The following MTUS2 variants were observed in gnomAD, a reference collection of about 807,000 sequenced individuals.
MTUS2 encodes microtubule-associated tumor suppressor candidate 2.
A neutral mutation model predicts 114.1 loss-of-function variants in MTUS2; 40 were observed. The observed-to-expected ratio is 0.35, with a 90% CI of 0.27 to 0.46. The LOEUF is 0.46. Among genes scored for constraint, MTUS2 ranks in the 20% least tolerant of loss-of-function variants. The pLI is 1.00. For synonymous variants in MTUS2, 688 were observed against 672.0 expected (o/e 1.02, Z -0.37); for missense variants, 1,679 against 1,705.4 (o/e 0.98, Z 0.27).
intron 2 of MTUS2, among the ~76,000 whole-genome samples, chr13:28,871,449 T>G (rs1023558105): frequency 1.3e-5 from 2 of 152,186 alleles, no homozygotes; most frequent in African/African-American, 4.8e-5. Flanking sequence ...ACTTATTTTA[T>G]AAGATGATAA....
chr13:29,081,014 C>T (rs778328543), intron 4 of MTUS2, among the ~76,000 whole-genome samples: 14 of 152,156 alleles, frequency 9.2e-5, no homozygotes, highest in Non-Finnish European at 1.6e-4. Flanking sequence ...CATGAGCCAA[C>T]GCGCCTGGCC....
At chr13:28,846,053 A>ATAT (rs1555267184) in intron 2 of MTUS2, among the ~76,000 whole-genome samples, 74 of 91,958 alleles carry the variant, frequency 8.0e-4, no homozygotes, top group Non-Finnish European at 1.3e-3. Context: ...TCTTAAAAAA[A>ATAT]AAATATATAT....
intron 5 of MTUS2, among the ~76,000 whole-genome samples, chr13:29,173,906 T>C (rs770036875): frequency 1.3e-5 from 2 of 152,158 alleles, no homozygotes; most frequent in Non-Finnish European, 2.9e-5. Context: ...CAAATTTTAA[T>C]TGAGATTTTA....
chr13:29,488,946 C>T (rs1415654360), intron 11 of MTUS2, among the ~76,000 whole-genome samples: 1 of 152,204 alleles, frequency 6.6e-6, no homozygotes, highest in African/African-American at 2.4e-5. Context: ...TATTTTTCAA[C>T]TTTCTCTCGC....
intron 2 of MTUS2, among the ~76,000 whole-genome samples, chr13:28,941,855 A>G (rs1296085117): frequency 1.3e-5 from 2 of 152,188 alleles, no homozygotes; most frequent in Non-Finnish European, 2.9e-5. Flanking sequence ...ATTATTTTTT[A>G]CTAGTGCATG....
chr13:29,316,983 G>T (rs1292389694), intron 6 of MTUS2, among the ~76,000 whole-genome samples: 2 of 152,110 alleles, frequency 1.3e-5, no homozygotes, highest in Non-Finnish European at 2.9e-5. Context: ...AATTTATTGG[G>T]CTTGGGGGGG....
chr13:28,999,303 G>A (rs566109203), intron 2 of MTUS2, among the ~76,000 whole-genome samples: 2 of 152,138 alleles, frequency 1.3e-5, no homozygotes, highest in Admixed American at 6.5e-5. Context: ...CGCCCCTACT[G>A]GGGGGTTCCT....
At chr13:29,037,630 C>T (rs545946860) in intron 4 of MTUS2, among the ~76,000 whole-genome samples, 4 of 152,298 alleles carry the variant, frequency 2.6e-5, no homozygotes, top group East Asian at 1.9e-4. Context: ...CCATTCTCCC[C>T]GTCATTTTCA....
intron 2 of MTUS2, among the ~76,000 whole-genome samples, chr13:28,945,218 C>A (rs1199748746): frequency 6.7e-6 from 1 of 149,856 alleles, no homozygotes; most frequent in African/African-American, 2.5e-5. Context: ...TTTATCCAGT[C>A]GTCTGCTGAT....
intron 2 of MTUS2, among the ~76,000 whole-genome samples, chr13:28,933,792 G>T (rs769472584): frequency 6.6e-6 from 1 of 152,170 alleles, no homozygotes; most frequent in Non-Finnish European, 1.5e-5. Context: ...TCACACAATT[G>T]TCCGTTCCAG....
At chr13:29,016,948 A>G (rs568021796) in intron 2 of MTUS2, among the ~76,000 whole-genome samples, 13 of 152,322 alleles carry the variant, frequency 8.5e-5, no homozygotes, top group African/African-American at 3.1e-4. Flanking sequence ...GCAGAGCATC[A>G]AGTGTTAGAT....
intron 8 of MTUS2, among the ~76,000 whole-genome samples, chr13:29,377,149 A>T (rs1871818408): frequency 6.6e-6 from 1 of 152,220 alleles, no homozygotes; most frequent in African/African-American, 2.4e-5. Context: ...GGTGAATCCA[A>T]ATTCTGCTTT....
chr13:29,235,640 T>C (rs1182178094), intron 5 of MTUS2, among the ~76,000 whole-genome samples: 1 of 152,234 alleles, frequency 6.6e-6, no homozygotes, highest in Admixed American at 6.5e-5. Context: ...AATCCTTTTT[T>C]TTCAATCAAG....
chr13:29,488,437 CTTTTT>C (rs35983023), intron 11 of MTUS2, among the ~76,000 whole-genome samples: 1 of 113,786 alleles, frequency 8.8e-6, no homozygotes, highest in Non-Finnish European at 1.7e-5. Context: ...TTTTTTTCCT[CTTTTT>C]TTTTTTTTTT....
chr13:29,351,359 G>A (rs987232012), intron 7 of MTUS2, among the ~76,000 whole-genome samples: 9 of 152,076 alleles, frequency 5.9e-5, no homozygotes, highest in African/African-American at 1.9e-4. Context: ...AAATTGAATC[G>A]TGGCAGGAAC....
At chr13:29,208,542 A>T (rs1354435212) in intron 5 of MTUS2, among the ~76,000 whole-genome samples, 15 of 151,284 alleles carry the variant, frequency 9.9e-5, no homozygotes, top group African/African-American at 3.4e-4. Context: ...TCCTCTTTCA[A>T]CTTTTTGATG....
At chr13:28,902,852 T>A (rs961888038) in intron 2 of MTUS2, among the ~76,000 whole-genome samples, 1 of 152,126 alleles carries the variant, frequency 6.6e-6, no homozygotes, top group Non-Finnish European at 1.5e-5. Flanking sequence ...TTGGGAAGTG[T>A]TTTCTTATTT....
At chr13:29,212,076 T>C (rs1429101518) in intron 5 of MTUS2, among the ~76,000 whole-genome samples, 1 of 152,176 alleles carries the variant, frequency 6.6e-6, no homozygotes, top group Admixed American at 6.5e-5. Flanking sequence ...TGTGTATGTG[T>C]TTAGTACATA....
At chr13:29,489,796 CAGTT>C (rs896166791) in intron 11 of MTUS2, 6 of 152,206 alleles carry the variant, frequency 3.9e-5, no homozygotes, top group African/African-American at 1.2e-4. Flanking sequence ...GATGAAGACA[CAGTT>C]AGCAATGGTT....
Sources: allele counts gnomAD v4.1 joint callset (sites outside exome capture counted in the v4.1 genomes callset), GRCh38; gene constraint gnomAD v4.1.1; transcripts MANE v1.5; gene names NCBI Gene and HGNC (gene_info 2026-07-23, HGNC 2026-07-21).